The following PAQR3 variants were observed in gnomAD, a reference collection of about 807,000 sequenced individuals.
The protein encoded by PAQR3 is progestin and adipoQ receptor family member 3.
PAQR3 carries 39 observed loss-of-function variants against 41.7 expected under a neutral mutation model. The observed-to-expected ratio is 0.93, with a 90% confidence interval of 0.72 to 1.22. The LOEUF is 1.22. Among genes scored for constraint, PAQR3 ranks in the 50% most tolerant of loss-of-function variants. The pLI is 0.00. For missense variants in PAQR3, 366 were observed against 385.6 expected (o/e 0.95, Z 0.42); for synonymous variants, 140 against 140.6 (o/e 1.00, Z 0.03).
rs572682916 is a variant in PAQR3 at position 78,888,950 on chromosome 4, G to A, written c.*837-802C>T. On this transcript the variant is annotated intron_variant and NMD_transcript_variant, in intron 11 of 12. Coordinates refer to the PAQR3 transcript ENST00000342820. The stretch of plus-strand genomic sequence containing the variant: ...AAATGCCCATTAATGGGCCGGGCGC[G>A]GTGGCTTGCGCCTGTAATCCCAGCA... Among the ~76,000 whole-genome samples the A allele has an allele frequency of 5.8e-4, 88 of 152,218 alleles. 1 individual carries two copies. The highest frequency in any genetic ancestry group is 1.9e-3 in the African/African-American group (79 of 41,530).
At chr4:78,910,293 G>A (rs889539835), downstream of PAQR3, among the ~76,000 whole-genome samples, 3 of 152,184 alleles carry the variant, frequency 2.0e-5, no homozygotes, top group Non-Finnish European at 2.9e-5. Flanking sequence ...TGTTATTTTG[G>A]TGGTGGGGTG....
chr4:78,924,863 A>T (rs1286769935), intron 4 of PAQR3, among the ~76,000 whole-genome samples: 2 of 152,028 alleles, frequency 1.3e-5, no homozygotes, highest in Non-Finnish European at 2.9e-5. Context: ...TGTAAAGACA[A>T]ATTTCTCCTT....
chr4:78,891,672 T>A (rs1452123729), intron 11 of PAQR3, among the ~76,000 whole-genome samples: 1 of 152,212 alleles, frequency 6.6e-6, no homozygotes, highest in Non-Finnish European at 1.5e-5. Flanking sequence ...TATTTTAATT[T>A]GTCTGAGGAT....
chr4:78,930,203 G>A lies in PAQR3; in HGVS notation c.471C>T (p.Val157=), dbSNP rs781155966. 3 of 1,612,900 alleles carry A rather than the reference G, an allele frequency of 1.9e-6. No homozygotes were observed. The highest frequency in any genetic ancestry group is 1.3e-5 in the African/African-American group (1 of 74,848). ...AATAAAATGCGTAAAATACTCCTGAGACATAGCAGCCCAGTATTCCAATAG... is the reference window on the plus strand; with the variant it reads ...AATAAAATGCGTAAAATACTCCTGAAACATAGCAGCCCAGTATTCCAATAG... The part of the protein sequence containing the change: ...GISIGILGCY[V]SGVFYAFYCN... Residue 157 remains valine, a synonymous_variant, in exon 3 of 6, where the codon GTC becomes GTT. Transcript: ENST00000512733.
At chr4:78,927,798 G>C (rs2110151030) in intron 3 of PAQR3, among the ~76,000 whole-genome samples, 1 of 152,364 alleles carries the variant, frequency 6.6e-6, no homozygotes, top group South Asian at 2.1e-4. Context: ...CGTAAGACAA[G>C]AGTTCTTAAT....
At chr4:78,887,862 T>TG (rs1248030554) in intron 12 of PAQR3, among the ~76,000 whole-genome samples, 1 of 152,132 alleles carries the variant, frequency 6.6e-6, no homozygotes, top group African/African-American at 2.4e-5. Flanking sequence ...ATGGTTATAG[T>TG]GGAAAAAAAG....
intron 11 of PAQR3, among the ~76,000 whole-genome samples, chr4:78,890,065 A>G (rs79524353): frequency 0.016 from 2,376 of 152,252 alleles, 18 homozygotes; most frequent in Non-Finnish European, 0.025. Context: ...AGATTAGTAT[A>G]TACTTTTTTC....
intron 11 of PAQR3, among the ~76,000 whole-genome samples, chr4:78,903,536 T>A (rs1237577127): frequency 1.3e-5 from 2 of 151,968 alleles, no homozygotes; most frequent in African/African-American, 4.8e-5. Context: ...GTTAACATCA[T>A]CCCTATCAGG....
chr4:78,896,233 G>A (rs2033060), intron 11 of PAQR3, among the ~76,000 whole-genome samples: 22,008 of 152,132 alleles, frequency 0.14, 2,958 homozygotes, highest in African/African-American at 0.36. Flanking sequence ...TGGTGAGCCA[G>A]TGATCAAACT....
intron 5 of PAQR3, chr4:78,921,465 A>G (rs539228152): frequency 6.4e-6 from 1 of 157,306 alleles, no homozygotes; most frequent in Admixed American, 6.6e-5. Flanking sequence ...CATAGATTTT[A>G]AAGTGTATAT....
intron 5 of PAQR3, 150 bp downstream of exon 5, chr4:78,923,707 T>C: frequency 1.5e-6 from 1 of 668,362 alleles, no homozygotes; most frequent in African/African-American, 1.8e-5. Flanking sequence ...GAAAGCCCTT[T>C]GAAAGTTTTA....
At position 78,915,996 on chromosome 4, in the gene PAQR3, CT is replaced by C. The variant is rs1256696426; in HGVS notation, c.*4542del. The C allele has an allele frequency of 2.6e-5, 4 of 151,762 alleles. No homozygotes were observed. Among genetic ancestry groups the C allele is most frequent in the African/African-American group, 9.7e-5 (4 of 41,374 alleles). 9.4% of individuals were successfully genotyped at this position (151,762 alleles called of 1,614,324 possible). A position where few individuals can be genotyped will look rare whatever the true frequency, so the allele number is the denominator to read the frequency against. Reference sequence around the variant, plus strand: ...TTGTTAAACTTGAATTTTCTGAAGCCTTTTATGTACCACTAAGCAAATAACT... The same window carrying C: ...TTGTTAAACTTGAATTTTCTGAAGCCTTTATGTACCACTAAGCAAATAACT... On this transcript the variant is annotated 3_prime_UTR_variant, in exon 6 of 6. Transcript: ENST00000512733.
rs1048758073 is a variant in PAQR3, at chr4:78,920,212, C to G, written c.*327G>C. On this transcript the variant is annotated 3_prime_UTR_variant, in exon 6 of 6. Coordinates refer to ENST00000512733, the MANE Select transcript of PAQR3 (RefSeq NM_001040202.2). ...ACTCCATTTTCTAATGGACATGAGCCCTTCCTAAGGAAATTAAGCTGGTGC... is the reference window on the plus strand; with the variant it reads ...ACTCCATTTTCTAATGGACATGAGCGCTTCCTAAGGAAATTAAGCTGGTGC... The G allele has an allele frequency of 9.8e-7, 1 of 1,019,922 alleles. No individual in the cohort carries two copies. The highest frequency in any genetic ancestry group is 1.2e-6 in the Non-Finnish European group (1 of 852,998). The allele number at this position is 1,019,922 out of a possible 1,614,324, so 63.2% of individuals were successfully genotyped here.
intron 5 of PAQR3, among the ~76,000 whole-genome samples, chr4:78,923,186 CAT>C (rs1163128469): frequency 6.7e-6 from 1 of 149,912 alleles, no homozygotes; most frequent in Non-Finnish European, 1.5e-5. Context: ...TTTCTGGAAA[CAT>C]AAAGACTCTT....
intron 1 of PAQR3, among the ~76,000 whole-genome samples, chr4:78,936,662 T>G (rs1297656084): frequency 6.6e-6 from 1 of 152,228 alleles, no homozygotes; most frequent in African/African-American, 2.4e-5. Context: ...AGACTACTTA[T>G]AACTGGAGGA....
At chr4:78,909,055 C>CTTTT (rs1053664659), downstream of PAQR3, among the ~76,000 whole-genome samples, 96 of 94,412 alleles carry the variant, frequency 1.0e-3, 2 homozygotes, top group African/African-American at 2.0e-3. Flanking sequence ...TTCCCTTAGT[C>CTTTT]TTTTTTTTTT....
chr4:78,910,610 G>A, downstream of PAQR3: 1 of 1,525,244 alleles, frequency 6.6e-7, no homozygotes, highest in Middle Eastern at 1.8e-4. Flanking sequence ...GAACTTGCAG[G>A]TTCTCCTGAA....
downstream of PAQR3, among the ~76,000 whole-genome samples, chr4:78,909,231 T>G (rs540215189): frequency 1.5e-4 from 23 of 152,002 alleles, no homozygotes; most frequent in African/African-American, 5.3e-4. Flanking sequence ...AGAGATGGGG[T>G]TTCACCATGT....
chr4:78,911,707 G>C, downstream of PAQR3: 1 of 1,613,956 alleles, frequency 6.2e-7, no homozygotes. Context: ...TGATGGGAAA[G>C]ATAGGGGGAA....
Sources: allele counts gnomAD v4.1 joint callset (sites outside exome capture counted in the v4.1 genomes callset), GRCh38; gene constraint gnomAD v4.1.1; transcripts MANE v1.5; gene names NCBI Gene and HGNC (gene_info 2026-07-23, HGNC 2026-07-21).